The following ZC3H12B variants were observed in gnomAD, a reference collection of about 807,000 sequenced individuals.
ZC3H12B encodes zinc finger CCCH-type containing 12B, also known as probable ribonuclease ZC3H12B.
In ZC3H12B, 7 loss-of-function variants were observed where a neutral mutation model predicts 43.9. The observed-to-expected ratio is 0.16, with a 90% CI of 0.09 to 0.30. The LOEUF (loss-of-function observed/expected upper bound fraction) is 0.30, where lower values mean the gene tolerates loss of function less well. ZC3H12B is among the 10% of genes least tolerant of loss of function. The pLI is 1.00. For missense variants in ZC3H12B, 475 were observed against 670.2 expected (o/e 0.71, Z 3.22); for synonymous variants, 222 against 241.7 (o/e 0.92, Z 0.76).
At chrX:65,083,757 T>TTACATAAATAGA in the ZC3H12B span, among the ~76,000 whole-genome samples, 1 of 111,820 alleles carries the variant, frequency 8.9e-6, no homozygotes, top group East Asian at 2.8e-4. Context: ...AATACAATCC[T>TTACATAAATAGA]AAATTTTATG....
chrX:65,053,928 A>G, the ZC3H12B span, among the ~76,000 whole-genome samples: 43 of 107,907 alleles, frequency 4.0e-4, no homozygotes, highest in Non-Finnish European at 7.6e-4. Context: ...GTCTGTTCAT[A>G]TCCTTCACCC....
intron 3 of ZC3H12B, among the ~76,000 whole-genome samples, chrX:65,456,070 T>G (rs112418026): frequency 1.3e-4 from 15 of 111,368 alleles, no homozygotes; most frequent in Admixed American, 7.6e-4. Flanking sequence ...CTGCATCAAC[T>G]AACGAGCAAA....
chrX:65,378,843 G>T (rs2066389027), intron 2 of ZC3H12B, among the ~76,000 whole-genome samples: 1 of 112,591 alleles, frequency 8.9e-6, no homozygotes, highest in South Asian at 3.7e-4. Flanking sequence ...AGAAAGTGGT[G>T]ACAGACGGCA....
the ZC3H12B span, among the ~76,000 whole-genome samples, chrX:65,298,022 T>C: frequency 1.1e-3 from 118 of 112,175 alleles, no homozygotes; most frequent in Non-Finnish European, 1.6e-3. Flanking sequence ...ATTTTAATCT[T>C]CTAAGACTGG....
the ZC3H12B span, among the ~76,000 whole-genome samples, chrX:65,356,468 T>C: frequency 8.9e-6 from 1 of 112,041 alleles, no homozygotes; most frequent in Non-Finnish European, 1.9e-5. Flanking sequence ...ATATTTTGCT[T>C]TCTTCACTGA....
At chrX:65,231,201 G>C in the ZC3H12B span, among the ~76,000 whole-genome samples, 7 of 110,960 alleles carry the variant, frequency 6.3e-5, no homozygotes, top group Non-Finnish European at 1.1e-4. Flanking sequence ...ATTTCAAAAG[G>C]GGAGGGGGTG....
At chrX:65,253,061 C>T in the ZC3H12B span, among the ~76,000 whole-genome samples, 33 of 111,313 alleles carry the variant, frequency 3.0e-4, 1 homozygote, top group South Asian at 0.011. Flanking sequence ...CCAATTTATC[C>T]CCTCACATAA....
At chrX:65,380,693 G>A (rs1273323662) in intron 2 of ZC3H12B, among the ~76,000 whole-genome samples, 2 of 111,814 alleles carry the variant, frequency 1.8e-5, no homozygotes, top group Non-Finnish European at 3.8e-5. Flanking sequence ...ACCCATCAGT[G>A]TGCTGTATTC....
At chrX:65,406,768 ACTCTGTG>A (rs1444825311) in intron 3 of ZC3H12B, among the ~76,000 whole-genome samples, 4 of 111,361 alleles carry the variant, frequency 3.6e-5, no homozygotes, top group African/African-American at 1.3e-4. Context: ...AGCGGCGGGT[ACTCTGTG>A]CTCTGCGTCC....
the ZC3H12B span, among the ~76,000 whole-genome samples, chrX:65,182,351 T>G: frequency 9.0e-6 from 1 of 111,132 alleles, no homozygotes; most frequent in Non-Finnish European, 1.9e-5. Context: ...CAAACCACCA[T>G]AGCACATGTT....
chrX:65,190,150 G>A, the ZC3H12B span, among the ~76,000 whole-genome samples: 1 of 110,387 alleles, frequency 9.1e-6, no homozygotes, highest in Non-Finnish European at 1.9e-5. Flanking sequence ...CTGTTCCATT[G>A]ATCTATATCT....
At chrX:65,330,893 C>T in the ZC3H12B span, 3 of 228,427 alleles carry the variant, frequency 1.3e-5, no homozygotes, top group Non-Finnish European at 2.6e-5. Flanking sequence ...CAGGTTTTTT[C>T]TCTTTCTTCT....
the ZC3H12B span, among the ~76,000 whole-genome samples, chrX:65,304,380 G>A: frequency 4.5e-5 from 5 of 111,727 alleles, no homozygotes; most frequent in East Asian, 5.6e-4. Flanking sequence ...ACTTTGGGAG[G>A]CCAAGACGAG....
the ZC3H12B span, chrX:65,185,051 C>T: frequency 9.0e-6 from 1 of 111,515 alleles, no homozygotes; most frequent in African/African-American, 3.3e-5. Context: ...GATCTCCATG[C>T]TCTTCACTGT....
At chrX:65,224,503 G>A in the ZC3H12B span, among the ~76,000 whole-genome samples, 10 of 112,557 alleles carry the variant, frequency 8.9e-5, no homozygotes, top group African/African-American at 3.2e-4. Context: ...ATCTCACTAG[G>A]GAGTGCCAGA....
At chrX:65,407,711 G>A (rs927369151) in intron 3 of ZC3H12B, among the ~76,000 whole-genome samples, 4 of 113,715 alleles carry the variant, frequency 3.5e-5, no homozygotes, top group Admixed American at 2.7e-4. Flanking sequence ...GGATCCCCGA[G>A]GGGAGTGCGG....
the ZC3H12B span, chrX:65,273,091 A>G: frequency 1.8e-5 from 2 of 112,184 alleles, no homozygotes; most frequent in Non-Finnish European, 3.8e-5. Flanking sequence ...GTGGAAGAAG[A>G]GTATCTTGGT....
At chrX:65,365,296 C>A (rs1004791705), upstream of ZC3H12B, among the ~76,000 whole-genome samples, 1 of 111,524 alleles carries the variant, frequency 9.0e-6, no homozygotes, top group African/African-American at 3.3e-5. Flanking sequence ...CTTGAGTACT[C>A]TAATTGGATG....
At chrX:65,081,298 A>G in the ZC3H12B span, among the ~76,000 whole-genome samples, 2 of 111,320 alleles carry the variant, frequency 1.8e-5, no homozygotes, top group Non-Finnish European at 3.8e-5. Flanking sequence ...AATAACATCA[A>G]ATGTAAATGG....
Sources: gnomAD v4.1 joint callset for allele counts (sites outside exome capture counted in the v4.1 genomes callset) on GRCh38, gnomAD v4.1.1 for gene constraint, MANE v1.5 for transcripts, NCBI Gene and HGNC (gene_info 2026-07-23, HGNC 2026-07-21) for gene names.